ARHGAP32: variants seen among roughly 807,000 people sequenced by gnomAD.
ARHGAP32 encodes the protein Rho GTPase activating protein 32, also known as rho GTPase-activating protein 32.
ARHGAP32 carries 51 observed loss-of-function variants against 186.5 expected under a neutral mutation model. That is an observed-to-expected ratio of 0.27 (90% CI 0.22 to 0.35). The LOEUF is 0.35. Ranked by LOEUF, ARHGAP32 falls within the 10% of genes least tolerant of loss-of-function variation. ARHGAP32 has a pLI of 1.00. For missense variants in ARHGAP32, 2,186 were observed against 2,623.5 expected (o/e 0.83, Z 3.64); for synonymous variants, 950 against 964.3 (o/e 0.99, Z 0.27).
chr11:129,256,098 G>A (rs531833768), intron 1 of ARHGAP32, among the ~76,000 whole-genome samples: 3 of 152,082 alleles, frequency 2.0e-5, no homozygotes, highest in Admixed American at 6.6e-5. Flanking sequence ...TATGTTCTGC[G>A]CAATTCCAGC....
intron 1 of ARHGAP32, among the ~76,000 whole-genome samples, chr11:129,259,581 A>AT (rs1365817174): frequency 3.9e-5 from 6 of 152,068 alleles, no homozygotes; most frequent in South Asian, 2.1e-4. Context: ...AAAAAAAAAA[A>AT]AAATAAGCTA....
intron 11 of ARHGAP32, among the ~76,000 whole-genome samples, chr11:129,025,822 T>G (rs992900039): frequency 1.3e-5 from 2 of 148,840 alleles, no homozygotes; most frequent in East Asian, 1.9e-4. Context: ...ATGTAATATA[T>G]ATGTTAATAT....
intron 11 of ARHGAP32, among the ~76,000 whole-genome samples, chr11:129,033,123 T>G (rs1337591624): frequency 6.6e-6 from 1 of 152,232 alleles, no homozygotes; most frequent in Non-Finnish European, 1.5e-5. Context: ...AACTCATTCA[T>G]TTTTACTGGT....
chr11:129,046,526 AG>A lies in ARHGAP32; in HGVS notation c.964-5518del, dbSNP rs1939813842. On this transcript the variant is annotated intron_variant, in intron 10 of 22. Transcript: ENST00000682385. The stretch of plus-strand genomic sequence containing the variant: ...CTCACCCTCTGACTCTAGGAGAACC[AG>A]GAGAGATGTAAAGGGAACAGACTGT... 4.6e-5 allele frequency among the ~76,000 whole-genome samples: 7 copies of A among 152,290 alleles called. No homozygotes were observed. In the South Asian group the frequency reaches 1.4e-3, roughly 32 times the overall value.
At chr11:129,120,301 G>A (rs1327829003) in intron 5 of ARHGAP32, among the ~76,000 whole-genome samples, 1 of 152,200 alleles carries the variant, frequency 6.6e-6, no homozygotes, top group South Asian at 2.1e-4. Flanking sequence ...TATTTACCAA[G>A]ATGGGAAGTC....
At chr11:129,113,828 T>C (rs1942291897) in intron 5 of ARHGAP32, among the ~76,000 whole-genome samples, 1 of 151,758 alleles carries the variant, frequency 6.6e-6, no homozygotes, top group Non-Finnish European at 1.5e-5. Flanking sequence ...TCCTCACATA[T>C]TCTCCTCCTC....
upstream of ARHGAP32, among the ~76,000 whole-genome samples, chr11:129,193,974 C>CA (rs1406515837): frequency 2.0e-5 from 3 of 150,762 alleles, no homozygotes; most frequent in African/African-American, 7.3e-5. Flanking sequence ...ATATAATACT[C>CA]AGAGATAAAC....
intron 2 of ARHGAP32, among the ~76,000 whole-genome samples, chr11:129,133,193 G>C (rs1040284119): frequency 2.0e-5 from 3 of 152,030 alleles, no homozygotes; most frequent in Non-Finnish European, 4.4e-5. Flanking sequence ...CCTGATAACA[G>C]ACAAAAAATC....
chr11:129,197,264 C>A (rs1174644862), upstream of ARHGAP32, among the ~76,000 whole-genome samples: 1 of 152,052 alleles, frequency 6.6e-6, no homozygotes, highest in Non-Finnish European at 1.5e-5. Flanking sequence ...AATTCTATAT[C>A]CAATACCCGT....
chr11:129,182,836 C>T (rs1001758962), intron 1 of ARHGAP32, among the ~76,000 whole-genome samples: 2 of 151,604 alleles, frequency 1.3e-5, no homozygotes, highest in Non-Finnish European at 2.9e-5. Flanking sequence ...TTTGTAGTGA[C>T]GGGGTCTTGC....
intron 5 of ARHGAP32, among the ~76,000 whole-genome samples, chr11:129,106,458 C>A: frequency 6.6e-6 from 1 of 151,980 alleles, no homozygotes; most frequent in Non-Finnish European, 1.5e-5. Context: ...ACTCATAAGT[C>A]GGAGCTGAAC....
chr11:129,189,829 C>T (rs1944238549), intron 1 of ARHGAP32, among the ~76,000 whole-genome samples: 1 of 152,178 alleles, frequency 6.6e-6, no homozygotes, highest in Admixed American at 6.5e-5. Context: ...AGACTACTTC[C>T]TCCTAAAGCA....
At position 128,973,260 on chromosome 11, in the gene ARHGAP32, C is replaced by A; in HGVS notation, c.3246G>T (p.Gly1082=). The change falls in exon 22 of 23, where the codon GGG becomes GGT. Residue 1082 remains glycine, a synonymous_variant. Coordinates refer to ENST00000682385, the MANE Select transcript of ARHGAP32 (RefSeq NM_001378024.1). ...SLKRPGTSQA[G]YTNYGDIAVA... ...CCGCTATGTCTCCATAATTTGTATA[C>A]CCAGCCTGAGAGGTCCCTGGTCTCT... 1.9e-6 allele frequency: 3 copies of A among 1,614,120 alleles called. No individual in the cohort carries two copies. The highest frequency in any genetic ancestry group is 2.5e-6 in the Non-Finnish European group (3 of 1,180,014).
intron 1 of ARHGAP32, among the ~76,000 whole-genome samples, chr11:129,276,701 G>A (rs954402100): frequency 6.6e-6 from 1 of 152,168 alleles, no homozygotes; most frequent in Non-Finnish European, 1.5e-5. Context: ...AAGTTTATAC[G>A]TAATGACAAT....
At chr11:129,001,778 A>AC (rs1355122049) in intron 11 of ARHGAP32, among the ~76,000 whole-genome samples, 3 of 152,278 alleles carry the variant, frequency 2.0e-5, no homozygotes, top group Admixed American at 2.0e-4. Flanking sequence ...TTTGGACTTA[A>AC]TTTTTATATA....
intron 12 of ARHGAP32, among the ~76,000 whole-genome samples, chr11:128,995,126 A>C (rs967260773): frequency 6.6e-6 from 1 of 152,166 alleles, no homozygotes; most frequent in African/African-American, 2.4e-5. Context: ...TTCTCATATC[A>C]CCTAAGTATC....
At chr11:129,244,693 A>G (rs1285899062) in intron 1 of ARHGAP32, among the ~76,000 whole-genome samples, 2 of 151,944 alleles carry the variant, frequency 1.3e-5, no homozygotes, top group Non-Finnish European at 2.9e-5. Context: ...TTCGCAACCT[A>G]CTCATCTGAC....
intron 1 of ARHGAP32, among the ~76,000 whole-genome samples, chr11:129,201,811 T>A (rs955030398): frequency 6.6e-6 from 1 of 152,030 alleles, no homozygotes; most frequent in African/African-American, 2.4e-5. Context: ...CAAGACTCCA[T>A]CTCTATAAAA....
intron 5 of ARHGAP32, among the ~76,000 whole-genome samples, chr11:129,118,304 A>G (rs1032571457): frequency 1.3e-5 from 2 of 151,974 alleles, no homozygotes; most frequent in Non-Finnish European, 2.9e-5. Context: ...GGCAATACGC[A>G]TTATTCTCAA....
Sources: allele counts gnomAD v4.1 joint callset (sites outside exome capture counted in the v4.1 genomes callset), GRCh38; gene constraint gnomAD v4.1.1; transcripts MANE v1.5; gene names NCBI Gene and HGNC (gene_info 2026-07-23, HGNC 2026-07-21).